KCNH8: variants seen among roughly 807,000 people sequenced by gnomAD.
KCNH8 encodes the protein voltage-gated delayed rectifier potassium channel KCNH8.
A neutral mutation model predicts 103.6 loss-of-function variants in KCNH8; 70 were observed. The ratio of observed to expected loss-of-function variants is 0.68; its 90% CI spans 0.56 to 0.82. KCNH8 has a LOEUF of 0.82. Ranked by LOEUF, KCNH8 falls within the 40% of genes least tolerant of loss-of-function variation. The probability of loss-of-function intolerance (pLI) is 0.00; values close to 1 mark genes in which losing one functional copy is unlikely to be tolerated. For missense variants in KCNH8, 1,217 were observed against 1,329.9 expected, an observed-to-expected ratio of 0.92 and a Z score of 1.32; for synonymous variants, 498 against 489.4, an observed-to-expected ratio of 1.02 and a Z score of -0.23.
intron 5 of KCNH8, among the ~76,000 whole-genome samples, chr3:19,365,524 G>T (rs955348809): frequency 6.6e-6 from 1 of 151,920 alleles, no homozygotes; most frequent in Non-Finnish European, 1.5e-5. Flanking sequence ...ACGCATTTAA[G>T]ATGATTTTGA....
At chr3:19,479,806 CCAAA>C (rs879545410) in intron 11 of KCNH8, among the ~76,000 whole-genome samples, 7 of 151,984 alleles carry the variant, frequency 4.6e-5, no homozygotes, top group East Asian at 1.9e-4. Flanking sequence ...TCTCTTTATC[CCAAA>C]CAGTCACCAA....
intron 11 of KCNH8, among the ~76,000 whole-genome samples, chr3:19,477,413 T>G (rs1462807446): frequency 6.7e-5 from 10 of 149,536 alleles, no homozygotes; most frequent in Non-Finnish European, 1.5e-4. Context: ...TGTGAGGATT[T>G]TTTTGGTTTT....
chr3:19,437,644 C>G (rs1183073927), intron 7 of KCNH8, among the ~76,000 whole-genome samples: 2 of 152,124 alleles, frequency 1.3e-5, no homozygotes, highest in African/African-American at 4.8e-5. Flanking sequence ...CAACTGGATA[C>G]CTGCCCAAGT....
At chr3:19,446,831 CAAAGGGAAAGAG>C (rs1024138052) in intron 8 of KCNH8, among the ~76,000 whole-genome samples, 5 of 151,678 alleles carry the variant, frequency 3.3e-5, no homozygotes, top group African/African-American at 1.2e-4. Context: ...AAGGAAAAGA[CAAAGGGAAAGAG>C]AAAGAGAAAG....
chr3:19,335,119 G>C (rs1351998581), intron 3 of KCNH8, among the ~76,000 whole-genome samples: 1 of 151,608 alleles, frequency 6.6e-6, no homozygotes, highest in Admixed American at 6.6e-5. Context: ...TCTAAATAAG[G>C]CTGTTTCCTT....
At chr3:19,201,231 CAAAAAAAA>C (rs1170312203) in intron 1 of KCNH8, among the ~76,000 whole-genome samples, 17 of 22,062 alleles carry the variant, frequency 7.7e-4, no homozygotes, top group South Asian at 7.5e-3. Flanking sequence ...GACTCTGCCT[CAAAAAAAA>C]AAAAAAAAAA....
At chr3:19,433,438 T>A (rs1200168414) in intron 7 of KCNH8, among the ~76,000 whole-genome samples, 1 of 152,218 alleles carries the variant, frequency 6.6e-6, no homozygotes, top group Non-Finnish European at 1.5e-5. Context: ...ATGTCAATCA[T>A]TTGTGAAGAA....
At chr3:19,375,952 C>G (rs919630455) in intron 5 of KCNH8, among the ~76,000 whole-genome samples, 2 of 152,156 alleles carry the variant, frequency 1.3e-5, no homozygotes, top group Admixed American at 1.3e-4. Flanking sequence ...GGCAGTCTGC[C>G]CGTTCTCAGA....
chr3:19,175,536 C>CT, intron 1 of KCNH8, among the ~76,000 whole-genome samples: 1 of 152,064 alleles, frequency 6.6e-6, no homozygotes, highest in East Asian at 1.9e-4. Context: ...ATCGGTCATG[C>CT]TTTTTTGTAC....
intron 5 of KCNH8, among the ~76,000 whole-genome samples, chr3:19,385,796 A>G (rs921221386): frequency 6.6e-6 from 1 of 152,162 alleles, no homozygotes; most frequent in Admixed American, 6.6e-5. Flanking sequence ...TAAGCAATGA[A>G]AAAAACAGAG....
At chr3:19,267,463 A>C (rs1186127147) in intron 2 of KCNH8, among the ~76,000 whole-genome samples, 1 of 152,108 alleles carries the variant, frequency 6.6e-6, no homozygotes, top group Non-Finnish European at 1.5e-5. Context: ...TCACATTTTC[A>C]GATGCATATT....
chr3:19,201,541 A>C (rs2063663205), intron 1 of KCNH8, among the ~76,000 whole-genome samples: 1 of 152,024 alleles, frequency 6.6e-6, no homozygotes, highest in African/African-American at 2.4e-5. Flanking sequence ...GGGAACTTGA[A>C]CATACTTTTT....
intron 4 of KCNH8, among the ~76,000 whole-genome samples, chr3:19,344,573 G>T (rs1210130360): frequency 6.6e-6 from 1 of 152,038 alleles, no homozygotes; most frequent in East Asian, 1.9e-4. Context: ...TATTCCTGAA[G>T]CAAAGTATGG....
chr3:19,500,524 C>G (rs929139965), intron 11 of KCNH8, among the ~76,000 whole-genome samples: 2 of 152,100 alleles, frequency 1.3e-5, no homozygotes, highest in Non-Finnish European at 2.9e-5. Context: ...TGACCACGTA[C>G]TTGGAAGTAA....
At chr3:19,466,081 C>A (rs1403897422) in intron 11 of KCNH8, among the ~76,000 whole-genome samples, 1 of 151,988 alleles carries the variant, frequency 6.6e-6, no homozygotes, top group East Asian at 1.9e-4. Context: ...TGCACCACCA[C>A]ACCCGGCTAA....
chr3:19,319,258 G>A (rs2065318206), intron 3 of KCNH8, among the ~76,000 whole-genome samples: 1 of 151,972 alleles, frequency 6.6e-6, no homozygotes, highest in Admixed American at 6.6e-5. Flanking sequence ...GTCTAGAAGA[G>A]TTTTTCTGGT....
intron 11 of KCNH8, among the ~76,000 whole-genome samples, chr3:19,487,783 G>A (rs934775322): frequency 2.6e-5 from 4 of 152,270 alleles, no homozygotes; most frequent in African/African-American, 9.6e-5. Context: ...AGGAGATGGT[G>A]GCTCTCAGCT....
chr3:19,514,103 A>G (rs955006171), intron 13 of KCNH8, among the ~76,000 whole-genome samples: 5 of 152,144 alleles, frequency 3.3e-5, no homozygotes, highest in Non-Finnish European at 5.9e-5. Context: ...TGTTATCTCT[A>G]TTATAAAGTT....
chr3:19,500,051 C>T (rs1197903002), intron 11 of KCNH8, among the ~76,000 whole-genome samples: 1 of 152,168 alleles, frequency 6.6e-6, no homozygotes, highest in South Asian at 2.1e-4. Context: ...ACCCATCTCA[C>T]AGGCAGAGAC....
Sources: allele counts gnomAD v4.1 joint callset (sites outside exome capture counted in the v4.1 genomes callset), GRCh38; gene constraint gnomAD v4.1.1; transcripts MANE v1.5; gene names NCBI Gene and HGNC (gene_info 2026-07-23, HGNC 2026-07-21).